The following PRKG1 variants were observed in gnomAD, a reference collection of about 807,000 sequenced individuals.
PRKG1 encodes cGMP-dependent protein kinase 1.
Under a neutral mutation model 88.1 loss-of-function variants are expected in PRKG1, and 35 were observed. The ratio of observed to expected loss-of-function variants is 0.40; its 90% CI spans 0.30 to 0.53. The LOEUF (loss-of-function observed/expected upper bound fraction) is 0.53. Ranked by LOEUF, PRKG1 falls within the 20% of genes least tolerant of loss-of-function variation. PRKG1 has a pLI of 0.59. For missense variants in PRKG1, 540 were observed against 839.8 expected (o/e 0.64, Z 4.41); for synonymous variants, 303 against 292.5 (o/e 1.04, Z -0.37).
At chr10:51,406,486 A>G (rs572221108) in intron 2 of PRKG1, among the ~76,000 whole-genome samples, 66 of 152,152 alleles carry the variant, frequency 4.3e-4, no homozygotes, top group Non-Finnish European at 8.1e-4. Context: ...CCTGCTGCAA[A>G]TGGAATCCAC....
intron 3 of PRKG1, among the ~76,000 whole-genome samples, chr10:51,494,598 C>G (rs1840801392): frequency 6.6e-6 from 1 of 152,012 alleles, no homozygotes; most frequent in African/African-American, 2.4e-5. Context: ...GCCAGGCAGG[C>G]AAAAATGGTA....
intron 3 of PRKG1, among the ~76,000 whole-genome samples, chr10:51,664,092 G>A (rs80279321): frequency 0.018 from 2,663 of 152,126 alleles, 86 homozygotes; most frequent in African/African-American, 0.061. Flanking sequence ...AAGCTACCCA[G>A]TGGGTTCATT....
chr10:51,283,381 A>G (rs868042204), intron 2 of PRKG1, among the ~76,000 whole-genome samples: 3 of 152,166 alleles, frequency 2.0e-5, no homozygotes, highest in African/African-American at 7.2e-5. Flanking sequence ...ATTCTAGATA[A>G]CTACTTTAGC....
chr10:51,797,415 AT>A (rs1329336767), intron 3 of PRKG1, among the ~76,000 whole-genome samples: 1 of 146,108 alleles, frequency 6.8e-6, no homozygotes, highest in African/African-American at 2.5e-5. Context: ...TTTATAATAC[AT>A]ATTATATTTT....
intron 9 of PRKG1, among the ~76,000 whole-genome samples, chr10:52,244,534 A>AC (rs56206870): frequency 1.3e-5 from 2 of 151,056 alleles, no homozygotes; most frequent in African/African-American, 2.4e-5. Context: ...AAAAAGTTGC[A>AC]ATGAGGCAAC....
Position 51,102,360 on chromosome 10 carries a change from C to A in PRKG1, c.311+27459C>A, listed in dbSNP as rs375825012. Among the ~76,000 whole-genome samples the A allele has an allele frequency of 7.9e-5, 12 of 152,156 alleles. No homozygotes were observed. The East Asian group carries it at 2.1e-3, about 27-fold the overall frequency. On this transcript the variant is annotated intron_variant, in intron 1 of 17. Transcript: ENST00000373980. The stretch of plus-strand genomic sequence containing the variant: ...AGGACAAATTGACTCCTATAAACTA[C>A]CACAGTAGTTTCTTCTCCATTCTGG...
chr10:51,743,271 C>A (rs962367502), intron 3 of PRKG1, among the ~76,000 whole-genome samples: 1 of 152,124 alleles, frequency 6.6e-6, no homozygotes, highest in Non-Finnish European at 1.5e-5. Flanking sequence ...TGCACAGAGT[C>A]CCCTGGGGAT....
At position 51,018,875 on chromosome 10, in the gene PRKG1, CTGAT is replaced by C. The variant is rs1228909851; in HGVS notation, c.266+27234_266+27237del. Among the ~76,000 whole-genome samples the C allele has an allele frequency of 4.6e-5, 7 of 152,130 alleles. No individual in the cohort carries two copies. In the East Asian group the frequency reaches 9.6e-4, roughly 21 times the overall value. On this transcript the variant is annotated intron_variant, in intron 1 of 17. Transcript: ENST00000401604. ...AGCTTTCCTTTTCACATCAGAAACT[CTGAT>C]TGGTAATTATGCATTTATTTGATTA...
intron 3 of PRKG1, among the ~76,000 whole-genome samples, chr10:51,484,258 A>G (rs139734534): frequency 2.9e-4 from 44 of 152,220 alleles, no homozygotes; most frequent in African/African-American, 1.0e-3. Flanking sequence ...CCTTTACCTG[A>G]GCCCTATTAG....
At chr10:52,160,671 A>G (rs1453752147) in intron 8 of PRKG1, among the ~76,000 whole-genome samples, 1 of 152,060 alleles carries the variant, frequency 6.6e-6, no homozygotes, top group African/African-American at 2.4e-5. Context: ...ATTAAGGAAC[A>G]TTGCATTTTA....
At chr10:51,371,735 C>A (rs1461159860) in intron 2 of PRKG1, among the ~76,000 whole-genome samples, 4 of 152,144 alleles carry the variant, frequency 2.6e-5, no homozygotes, top group African/African-American at 7.2e-5. Context: ...CCTTCAACAG[C>A]CCCTGCTCAG....
At chr10:51,154,341 TGG>T (rs1374273266) in intron 2 of PRKG1, among the ~76,000 whole-genome samples, 1 of 151,740 alleles carries the variant, frequency 6.6e-6, no homozygotes, top group Non-Finnish European at 1.5e-5. Flanking sequence ...GGGGTGATGT[TGG>T]GGGGACTGCT....
intron 2 of PRKG1, among the ~76,000 whole-genome samples, chr10:51,187,983 T>A (rs540206976): frequency 3.9e-4 from 60 of 152,156 alleles, no homozygotes; most frequent in Non-Finnish European, 7.1e-4. Context: ...TGTGTCATGG[T>A]TCTTATTGGC....
intron 9 of PRKG1, among the ~76,000 whole-genome samples, chr10:52,195,962 A>G (rs1046679026): frequency 3.9e-5 from 6 of 152,148 alleles, no homozygotes; most frequent in African/African-American, 1.4e-4. Context: ...ATTGATCCCA[A>G]TTAGTGATGT....
At chr10:52,132,861 G>T (rs1243355871) in intron 7 of PRKG1, among the ~76,000 whole-genome samples, 1 of 152,080 alleles carries the variant, frequency 6.6e-6, no homozygotes, top group Non-Finnish European at 1.5e-5. Flanking sequence ...GAGTACATGA[G>T]ATGTTTTGAT....
At chr10:51,632,573 G>T (rs564658421) in intron 3 of PRKG1, among the ~76,000 whole-genome samples, 2 of 152,138 alleles carry the variant, frequency 1.3e-5, no homozygotes, top group African/African-American at 2.4e-5. Context: ...GGGCAGCTAG[G>T]TTAATCGTAT....
rs201880804 is a variant in PRKG1, at chr10:52,238,648, A to G, written c.1077-12922A>G. 2.5e-3 allele frequency among the ~76,000 whole-genome samples: 361 copies of G among 145,876 alleles called. 1 individual carries two copies. Among genetic ancestry groups the G allele is most frequent in the East Asian group, 0.021 (62 of 2,982 alleles). On this transcript the variant is annotated intron_variant, in intron 9 of 17. Transcript: ENST00000373980. ...ACCATCTCACACCAGTTAGAATGGC[A>G]ATCATTAAAAAGTCAGGAAACAACA...
intron 2 of PRKG1, among the ~76,000 whole-genome samples, chr10:51,214,411 A>G (rs748129421): frequency 5.9e-5 from 9 of 152,160 alleles, no homozygotes; most frequent in Non-Finnish European, 1.3e-4. Context: ...AATTATCTGT[A>G]CTTTGTATGG....
At chr10:51,219,901 G>A (rs1369050061) in intron 2 of PRKG1, among the ~76,000 whole-genome samples, 5 of 151,964 alleles carry the variant, frequency 3.3e-5, no homozygotes, top group African/African-American at 7.3e-5. Flanking sequence ...AAGATTCCAC[G>A]TGTCCTGATC....
Sources: allele counts gnomAD v4.1 joint callset (sites outside exome capture counted in the v4.1 genomes callset), GRCh38; gene constraint gnomAD v4.1.1; transcripts MANE v1.5; gene names NCBI Gene and HGNC (gene_info 2026-07-23, HGNC 2026-07-21).